The following TAFA5 variants were observed in gnomAD, a reference collection of about 807,000 sequenced individuals.
TAFA5 encodes the protein TAFA chemokine like family member 5.
Under a neutral mutation model 15.3 loss-of-function variants are expected in TAFA5, and 6 were observed. The ratio of observed to expected loss-of-function variants is 0.39; its 90% CI spans 0.21 to 0.77. The LOEUF (loss-of-function observed/expected upper bound fraction) is 0.77, where lower values mean the gene tolerates loss of function less well. TAFA5 is among the 30% of genes least tolerant of loss of function. The pLI is 0.41. For missense variants in TAFA5, 161 were observed against 193.1 expected (o/e 0.83, Z 0.98); for synonymous variants, 103 against 80.7 (o/e 1.28, Z -1.48).
At chr22:48,700,452 C>G (rs543313108) in intron 2 of TAFA5, among the ~76,000 whole-genome samples, 19 of 152,184 alleles carry the variant, frequency 1.2e-4, no homozygotes, top group African/African-American at 4.1e-4. Flanking sequence ...GGGAGAGATC[C>G]TGAAAAAGAA....
chr22:48,507,157 CCG>C (rs1921022029), intron 1 of TAFA5, among the ~76,000 whole-genome samples: 2 of 107,472 alleles, frequency 1.9e-5, no homozygotes, highest in African/African-American at 9.7e-5. Flanking sequence ...AAGGAGGTGG[CCG>C]CAAAGGGCCA....
At chr22:48,511,817 A>C (rs1921223474) in intron 1 of TAFA5, among the ~76,000 whole-genome samples, 1 of 152,236 alleles carries the variant, frequency 6.6e-6, no homozygotes. Flanking sequence ...GCCACGGGGC[A>C]ACTGCCCGCT....
At chr22:48,526,082 C>T (rs1025635474) in intron 1 of TAFA5, among the ~76,000 whole-genome samples, 2 of 152,232 alleles carry the variant, frequency 1.3e-5, no homozygotes, top group African/African-American at 4.8e-5. Flanking sequence ...CAGTCACTGC[C>T]AGGGGAGCCA....
At chr22:48,491,261 C>T (rs1244576949) in intron 1 of TAFA5, among the ~76,000 whole-genome samples, 2 of 152,096 alleles carry the variant, frequency 1.3e-5, no homozygotes, top group Non-Finnish European at 2.9e-5. Context: ...GGGGGATTCC[C>T]TAGAAGATCC....
At chr22:48,617,623 A>T (rs554888536) in intron 1 of TAFA5, among the ~76,000 whole-genome samples, 48 of 152,322 alleles carry the variant, frequency 3.2e-4, no homozygotes, top group South Asian at 1.7e-3. Context: ...GAAACTGGGG[A>T]TGCAGCAGGA....
At chr22:48,535,649 A>G (rs1922130841) in intron 1 of TAFA5, among the ~76,000 whole-genome samples, 1 of 147,898 alleles carries the variant, frequency 6.8e-6, no homozygotes, top group Non-Finnish European at 1.5e-5. Flanking sequence ...GCACTCATGC[A>G]TACATGTGCA....
rs1387918788 is a variant in TAFA5 at position 48,742,064 on chromosome 22, A to G, written c.391-7775A>G. Among the ~76,000 whole-genome samples the G allele has an allele frequency of 1.3e-5, 2 of 152,200 alleles. No individual in the cohort carries two copies. Among genetic ancestry groups the G allele is most frequent in the Non-Finnish European group, 2.9e-5 (2 of 68,024 alleles). On this transcript the variant is annotated intron_variant, in intron 3 of 3. Coordinates refer to ENST00000402357, the MANE Select transcript of TAFA5 (RefSeq NM_001082967.3). This position sits in a 1 kb window ranked among gnomAD's most constrained non-coding sequence, Gnocchi z 6.2. The stretch of plus-strand genomic sequence containing the variant: ...TACAGACGGGGAAACTGGGGCTCCC[A>G]GAGGCTCCAGCTGGGAGGCTGTGGG...
intron 1 of TAFA5, among the ~76,000 whole-genome samples, chr22:48,639,943 C>A (rs115033550): frequency 6.6e-6 from 1 of 152,324 alleles, no homozygotes; most frequent in East Asian, 1.9e-4. Flanking sequence ...ACCGCACCCC[C>A]CCAACCCCGC....
chr22:48,684,825 G>T (rs1487767120), intron 2 of TAFA5, among the ~76,000 whole-genome samples: 1 of 152,206 alleles, frequency 6.6e-6, no homozygotes, highest in African/African-American at 2.4e-5. Context: ...CACACGCTGT[G>T]CCCGGCACTT....
At chr22:48,533,581 G>T (rs1466356341) in intron 1 of TAFA5, among the ~76,000 whole-genome samples, 1 of 152,188 alleles carries the variant, frequency 6.6e-6, no homozygotes, top group African/African-American at 2.4e-5. Context: ...ACGCCAGGAA[G>T]GGGTCACACC....
intron 1 of TAFA5, among the ~76,000 whole-genome samples, chr22:48,642,077 C>G (rs1926703282): frequency 6.6e-6 from 1 of 151,664 alleles, no homozygotes; most frequent in Non-Finnish European, 1.5e-5. Context: ...GGGGCCTGCA[C>G]TTTTCTGAGG....
chr22:48,704,809 T>TA (rs1770713137), intron 2 of TAFA5, among the ~76,000 whole-genome samples: 1 of 152,050 alleles, frequency 6.6e-6, no homozygotes, highest in Non-Finnish European at 1.5e-5. Context: ...CTCCGCATAC[T>TA]GAGGGGCTTA....
At chr22:48,641,953 C>G (rs531077192) in intron 1 of TAFA5, among the ~76,000 whole-genome samples, 17 of 152,196 alleles carry the variant, frequency 1.1e-4, no homozygotes, top group African/African-American at 4.1e-4. Context: ...AAACACCATC[C>G]CCTATCTCCA....
At chr22:48,740,629 C>T (rs543048480) in intron 3 of TAFA5, among the ~76,000 whole-genome samples, 5 of 152,278 alleles carry the variant, frequency 3.3e-5, no homozygotes, top group Admixed American at 6.5e-5. Context: ...CACTGGCCCA[C>T]ACTCTCAGCC....
At chr22:48,743,900 C>T (rs1930252580) in intron 3 of TAFA5, among the ~76,000 whole-genome samples, 1 of 152,254 alleles carries the variant, frequency 6.6e-6, no homozygotes, top group African/African-American at 2.4e-5. Context: ...CCTACAGCAG[C>T]CGAGTGTTGC....
In TAFA5 at chr22:48,742,243, G is replaced by T. The variant is rs1930201299; in HGVS notation, c.391-7596G>T. On this transcript the variant is annotated intron_variant, in intron 3 of 3. Coordinates refer to ENST00000402357, the MANE Select transcript of TAFA5 (RefSeq NM_001082967.3). The surrounding 1 kb of genome is among the most constrained non-coding windows in gnomAD (Gnocchi z 6.2). ...GGCACAGCCCTGCCCCACCCCACAG[G>T]CCCCTCATCCTTCACCAGGCACAGG... Among the ~76,000 whole-genome samples, 1 of 151,034 alleles carries T rather than the reference G, an allele frequency of 6.6e-6. No individual in the cohort carries two copies. Among genetic ancestry groups the T allele is most frequent in the Admixed American group, 6.6e-5 (1 of 15,166 alleles).
At chr22:48,688,497 AC>A (rs1928433898) in intron 2 of TAFA5, among the ~76,000 whole-genome samples, 1 of 152,072 alleles carries the variant, frequency 6.6e-6, no homozygotes, top group Non-Finnish European at 1.5e-5. Flanking sequence ...AGCCTCATGC[AC>A]CCCAAGGCCT....
chr22:48,718,288 A>T (rs1252898901), intron 3 of TAFA5, among the ~76,000 whole-genome samples: 3 of 152,132 alleles, frequency 2.0e-5, no homozygotes, highest in Non-Finnish European at 4.4e-5. Flanking sequence ...ATTAGTCAGC[A>T]AAGGCCGGGG....
intron 1 of TAFA5, among the ~76,000 whole-genome samples, chr22:48,585,425 C>G (rs1394311571): frequency 6.7e-6 from 1 of 148,962 alleles, no homozygotes; most frequent in African/African-American, 2.5e-5. Context: ...ACACACACAA[C>G]ACATCACACA....
Sources: gnomAD v4.1 joint callset for allele counts (sites outside exome capture counted in the v4.1 genomes callset) on GRCh38, gnomAD v4.1.1 for gene constraint, Gnocchi (gnomAD v3.1) non-coding constraint, MANE v1.5 for transcripts, NCBI Gene and HGNC (gene_info 2026-07-23, HGNC 2026-07-21) for gene names.